The following ZNF423 variants were observed in gnomAD, a reference collection of about 807,000 sequenced individuals.
ZNF423 encodes the protein zinc finger protein 423, also known as Ebf-associated zinc finger protein.
In ZNF423, 12 loss-of-function variants were observed where a neutral mutation model predicts 95.8. That is an observed-to-expected ratio of 0.13 (90% CI 0.08 to 0.20). ZNF423 has a LOEUF of 0.20. Among genes scored for constraint, ZNF423 ranks in the 10% least tolerant of loss-of-function variants. ZNF423 has a pLI of 1.00. For missense variants in ZNF423, 1,316 were observed against 1,737.1 expected, an observed-to-expected ratio of 0.76 and a Z score of 4.31; for synonymous variants, 749 against 711.9, an observed-to-expected ratio of 1.05 and a Z score of -0.83.
intron 3 of ZNF423, among the ~76,000 whole-genome samples, chr16:49,691,318 G>T (rs529888607): frequency 2.6e-5 from 4 of 152,364 alleles, no homozygotes; most frequent in South Asian, 4.1e-4. Context: ...TGGTGACCAA[G>T]AACTTGGGCT....
In ZNF423 at chr16:49,523,681, G is replaced by A. The variant is rs1968492703; in HGVS notation, c.3792C>T (p.Asp1264=). The A allele has an allele frequency of 1.2e-6, 2 of 1,614,062 alleles. No homozygotes were observed. The highest frequency in any genetic ancestry group is 1.7e-6 in the Non-Finnish European group (2 of 1,180,048). Residue 1264 remains aspartate (D), a synonymous_variant, in exon 7 of 8, where the codon GAC becomes GAT. Transcript: ENST00000563137. ...GGCACTGTGAGCAGTCGTAGATCTT[G>A]TCCTCCTGCCCGTGCACGGCAAAGA... ...QHIFAVHGQE[D]KIYDCSQCPQ...
intron 1 of ZNF423, among the ~76,000 whole-genome samples, chr16:49,838,326 C>G (rs2035143135): frequency 6.6e-6 from 1 of 152,188 alleles, no homozygotes; most frequent in Non-Finnish European, 1.5e-5. Context: ...TTTTACTTCC[C>G]CGTGCCTCGG....
chr16:49,539,746 A>C (rs527697253), intron 5 of ZNF423, among the ~76,000 whole-genome samples: 7 of 152,036 alleles, frequency 4.6e-5, no homozygotes, highest in Non-Finnish European at 8.8e-5. Flanking sequence ...GGAGTCTGGG[A>C]GGCCTGGCCA....
chr16:49,704,234 G>A (rs367951951), intron 3 of ZNF423, among the ~76,000 whole-genome samples: 3 of 151,970 alleles, frequency 2.0e-5, no homozygotes, highest in African/African-American at 4.8e-5. Context: ...AAGAATCTTC[G>A]CTAGAACCCC....
At chr16:49,780,884 G>A (rs2034201309) in intron 2 of ZNF423, among the ~76,000 whole-genome samples, 1 of 152,162 alleles carries the variant, frequency 6.6e-6, no homozygotes, top group Admixed American at 6.5e-5. Context: ...AGACTTTTTT[G>A]CTCCTTTAAA....
At chr16:49,599,546 A>G (rs1971289806) in intron 5 of ZNF423, among the ~76,000 whole-genome samples, 1 of 152,206 alleles carries the variant, frequency 6.6e-6, no homozygotes, top group Non-Finnish European at 1.5e-5. Flanking sequence ...ATTCATAGAC[A>G]ACATGGAACA....
intron 5 of ZNF423, among the ~76,000 whole-genome samples, chr16:49,559,397 G>A (rs572162706): frequency 9.2e-5 from 14 of 152,302 alleles, no homozygotes; most frequent in Admixed American, 3.3e-4. Context: ...GCCAGATGGC[G>A]AGAGATTTCC....
At chr16:49,819,109 C>T (rs1007579143) in intron 1 of ZNF423, among the ~76,000 whole-genome samples, 1 of 151,332 alleles carries the variant, frequency 6.6e-6, no homozygotes, top group African/African-American at 2.4e-5. Context: ...AAAAATTAGC[C>T]GGGCGTGGTA....
At chr16:49,774,270 T>TCCACCCAGATGGAAAGTC (rs1398973421) in intron 2 of ZNF423, among the ~76,000 whole-genome samples, 1 of 152,078 alleles carries the variant, frequency 6.6e-6, no homozygotes, top group Non-Finnish European at 1.5e-5. Flanking sequence ...GGGTCAGGTT[T>TCCACCCAGATGGAAAGTC]CCACCCAGAT....
intron 2 of ZNF423, among the ~76,000 whole-genome samples, chr16:49,743,870 C>T (rs928305550): frequency 6.6e-6 from 1 of 152,194 alleles, no homozygotes; most frequent in Admixed American, 6.5e-5. Context: ...TGCGCAGCCA[C>T]GTTCCAGGGA....
intron 5 of ZNF423, among the ~76,000 whole-genome samples, chr16:49,625,628 C>T (rs924322994): frequency 6.6e-6 from 1 of 152,200 alleles, no homozygotes. Context: ...GTAGAGGGGA[C>T]TTCACAGCTT....
At chr16:49,623,995 C>A (rs777897306) in intron 5 of ZNF423, among the ~76,000 whole-genome samples, 8 of 152,216 alleles carry the variant, frequency 5.3e-5, no homozygotes, top group Non-Finnish European at 5.9e-5. Flanking sequence ...CAAACTCCAA[C>A]TCTCATACAC....
intron 3 of ZNF423, among the ~76,000 whole-genome samples, chr16:49,714,223 T>C (rs1478552102): frequency 7.9e-5 from 12 of 152,204 alleles, no homozygotes; most frequent in Non-Finnish European, 2.9e-5. Flanking sequence ...TCACACATGA[T>C]GGTATGACGG....
chr16:49,727,306 C>T (rs2033047069), intron 3 of ZNF423, among the ~76,000 whole-genome samples: 1 of 152,154 alleles, frequency 6.6e-6, no homozygotes, highest in South Asian at 2.1e-4. Context: ...AATGAAGGCT[C>T]CTTAGCACAG....
intron 2 of ZNF423, among the ~76,000 whole-genome samples, chr16:49,755,439 GAGGACACCTATCGAGGGT>G (rs924751817): frequency 4.6e-5 from 7 of 152,176 alleles, no homozygotes; most frequent in Non-Finnish European, 8.8e-5. Flanking sequence ...TCTGCTCTCT[GAGGACACCTATCGAGGGT>G]AAGCCAGGCT....
At chr16:49,714,951 G>T (rs2032659533) in intron 3 of ZNF423, among the ~76,000 whole-genome samples, 1 of 152,070 alleles carries the variant, frequency 6.6e-6, no homozygotes, top group Non-Finnish European at 1.5e-5. Flanking sequence ...ATTTGAGGAG[G>T]GGAAGGCTTC....
intron 3 of ZNF423, among the ~76,000 whole-genome samples, chr16:49,674,022 C>T (rs1463383418): frequency 6.6e-6 from 1 of 152,108 alleles, no homozygotes; most frequent in Non-Finnish European, 1.5e-5. Flanking sequence ...GGCCATGGAG[C>T]AGGTAGAGAA....
rs530183973 is a variant in ZNF423 at position 49,674,685 on chromosome 16, C to T, written c.302-35811G>A. Reference sequence around the variant, plus strand: ...CAGACCAAAGCCCGAGAGGCAGCCACGCAGTGCTGTGCAGAGGGGCGGAAC... The same window carrying T: ...CAGACCAAAGCCCGAGAGGCAGCCATGCAGTGCTGTGCAGAGGGGCGGAAC... On this transcript the variant is annotated intron_variant, in intron 3 of 7. Transcript: ENST00000563137. Among the ~76,000 whole-genome samples, 13 of 152,298 alleles carry T rather than the reference C, an allele frequency of 8.5e-5. No individual in the cohort carries two copies. The South Asian group carries it at 1.5e-3, about 17-fold the overall frequency.
intron 1 of ZNF423, chr16:49,854,267 C>T (rs2035332499): frequency 1.0e-5 from 10 of 985,370 alleles, no homozygotes; most frequent in Middle Eastern, 5.2e-4. Flanking sequence ...ACGGGCCGGG[C>T]GCTCCGTTTG....
Sources: allele counts gnomAD v4.1 joint callset (sites outside exome capture counted in the v4.1 genomes callset), GRCh38; gene constraint gnomAD v4.1.1; transcripts MANE v1.5; gene names NCBI Gene and HGNC (gene_info 2026-07-23, HGNC 2026-07-21).